The following HMGCS1 variants were observed in gnomAD, a reference collection of about 807,000 sequenced individuals.
HMGCS1 encodes the protein hydroxymethylglutaryl-CoA synthase, cytoplasmic.
In HMGCS1, 9 loss-of-function variants were observed where a neutral mutation model predicts 52.3. The ratio of observed to expected loss-of-function variants is 0.17; its 90% CI spans 0.10 to 0.30. The LOEUF is 0.30. Among genes scored for constraint, HMGCS1 ranks in the 10% least tolerant of loss-of-function variants. The probability of loss-of-function intolerance (pLI) is 1.00; values close to 1 mark genes in which losing one functional copy is unlikely to be tolerated. For missense variants in HMGCS1, 320 were observed against 620.9 expected (o/e 0.52, Z 5.15); for synonymous variants, 176 against 214.4 (o/e 0.82, Z 1.57).
At chr5:43,312,673 A>C (rs1268570397) in intron 1 of HMGCS1, among the ~76,000 whole-genome samples, 1 of 152,152 alleles carries the variant, frequency 6.6e-6, no homozygotes, top group African/African-American at 2.4e-5. Flanking sequence ...ACACCAAGGA[A>C]GCCTATTTTT....
At chr5:43,303,642 A>G (rs1226177952) in intron 2 of HMGCS1, among the ~76,000 whole-genome samples, 1 of 152,266 alleles carries the variant, frequency 6.6e-6, no homozygotes, top group African/African-American at 2.4e-5. Flanking sequence ...TTTACCAGAC[A>G]TAGCATATAT....
Position 43,291,091 on chromosome 5 carries a change from T to TCCCC in HMGCS1, c.*39_*40insGGGG. 1.8e-6 allele frequency: 1 copy of TCCCC among 541,856 alleles called. No individual in the cohort carries two copies. Among genetic ancestry groups the TCCCC allele is most frequent in the Admixed American group, 2.0e-5 (1 of 48,902 alleles). The allele number at this position is 541,856 out of a possible 1,614,324, so 33.6% of individuals were successfully genotyped here. A position where few individuals can be genotyped will look rare whatever the true frequency, so the allele number is the denominator to read the frequency against. On this transcript the variant is annotated 3_prime_UTR_variant, in exon 11 of 11. Coordinates refer to ENST00000325110, the MANE Select transcript of HMGCS1 (RefSeq NM_001098272.3). The stretch of plus-strand genomic sequence containing the variant: ...CAACTGTTCCCATACCCCCACCCCA[T>TCCCC]GCCCACCCCACCCTGAAGTCTTGCA...
At chr5:43,299,958 C>A (rs148185403) in intron 2 of HMGCS1, among the ~76,000 whole-genome samples, 144 of 152,170 alleles carry the variant, frequency 9.5e-4, no homozygotes, top group African/African-American at 3.3e-3. Context: ...AAGAACAAAG[C>A]GGAAAAGGTG....
Position 43,292,588 on chromosome 5 carries a change from C to A in HMGCS1, c.1359G>T (p.Trp453Cys). 4 of 1,613,728 alleles carry A rather than the reference C, an allele frequency of 2.5e-6. No individual in the cohort carries two copies. The highest frequency in any genetic ancestry group is 2.5e-6 in the Non-Finnish European group (3 of 1,179,718). ...GCTTTTCATCCACCCTAACTAAGTA[C>A]CACGTTCCTTCAAAGAGTGAATCTA... The part of the protein sequence containing the change: ...GSIDSLFEGT[W>C]YLVRVDEKHR... The change falls in exon 10 of 11, where the codon TGG (tryptophan) becomes TGT (cysteine). Residue 453 changes from tryptophan to cysteine, a missense_variant. Trp to Cys is a radical substitution (Grantham distance 215). This residue lies in a region of HMGCS1 where 213 missense variants were observed against 337.4 expected (regional missense o/e 0.63). Transcript: ENST00000325110.
rs560597873 is a variant in HMGCS1, at chr5:43,295,183, T to C, written c.906-322A>G. The stretch of plus-strand genomic sequence containing the variant: ...ATCAACTGAATATTCATCAACTGAA[T>C]AGAATACTATTTCAAGTCCATAATA... On this transcript the variant is annotated intron_variant, in intron 6 of 10. Transcript: ENST00000325110. 6.8e-4 allele frequency among the ~76,000 whole-genome samples: 104 copies of C among 152,332 alleles called. 1 individual carries two copies. Among genetic ancestry groups the C allele is most frequent in the Non-Finnish European group, 1.3e-3 (88 of 68,022 alleles).
At chr5:43,296,399 C>T (rs866999946) in intron 5 of HMGCS1, among the ~76,000 whole-genome samples, 7 of 152,084 alleles carry the variant, frequency 4.6e-5, no homozygotes, top group East Asian at 1.9e-4. Context: ...TTATCCAGAG[C>T]GACTAAATTC....
At chr5:43,292,382 T>TTACTATGAAC (rs2111630146) in intron 10 of HMGCS1, 92 bp downstream of exon 10, 1 of 914,812 alleles carries the variant, frequency 1.1e-6, no homozygotes, top group Non-Finnish European at 1.6e-6. Flanking sequence ...CCCAGAGCCC[T>TTACTATGAAC]TACTCTTCTT....
Position 43,291,047 on chromosome 5 carries a change from C to A in HMGCS1, c.*84G>T. The A allele has an allele frequency of 2.5e-6, 2 of 791,254 alleles. No homozygotes were observed. The highest frequency in any genetic ancestry group is 4.5e-6 in the Non-Finnish European group (2 of 448,758). The allele number at this position is 791,254 out of a possible 1,614,324, so 49.0% of individuals were successfully genotyped here. ...TAACATGTAATCCTTTAAAATTATC[C>A]CCAGATATCCCATTCCTCCAACTGT... is the stretch of plus-strand genomic sequence containing the variant. On this transcript the variant is annotated 3_prime_UTR_variant, in exon 11 of 11. Coordinates refer to ENST00000325110, the MANE Select transcript of HMGCS1 (RefSeq NM_001098272.3).
intron 1 of HMGCS1, among the ~76,000 whole-genome samples, chr5:43,308,116 C>T (rs1203706327): frequency 1.3e-5 from 2 of 152,198 alleles, no homozygotes; most frequent in East Asian, 1.9e-4. Context: ...AAATAAGAAG[C>T]CCATGTCACC....
intron 4 of HMGCS1, 148 bp from the exon 5 acceptor site, chr5:43,297,314 T>A (rs569193767): frequency 3.1e-6 from 2 of 641,676 alleles, no homozygotes; most frequent in South Asian, 4.0e-5. Context: ...CTGAAGCCAA[T>A]ATAAGTGAAA....
At chr5:43,295,700 T>C in intron 6 of HMGCS1, 52 bp downstream of exon 6, 2 of 1,335,492 alleles carry the variant, frequency 1.5e-6, no homozygotes, top group East Asian at 4.6e-5. Context: ...GCTTAACAGA[T>C]ATTAAAAATG....
intron 6 of HMGCS1, 128 bp downstream of exon 6, chr5:43,295,624 C>T: frequency 1.5e-6 from 1 of 650,382 alleles, no homozygotes; most frequent in Non-Finnish European, 2.6e-6. Flanking sequence ...CTGAGACACA[C>T]AGATTAGACT....
At position 43,292,643 on chromosome 5, in the gene HMGCS1, G is replaced by A. The variant is rs376783581; in HGVS notation, c.1310-6C>T. ...ACCCTGGGGAATATAGTTGACTAAA[G>A]GAAAGGGAGAGAATATCTACAATTA... On this transcript the variant is annotated splice_region_variant and splice_polypyrimidine_tract_variant and intron_variant, in intron 9 of 10. Coordinates refer to ENST00000325110, the MANE Select transcript of HMGCS1 (RefSeq NM_001098272.3). The A allele has an allele frequency of 2.5e-6, 4 of 1,606,926 alleles. No individual in the cohort carries two copies. Among genetic ancestry groups the A allele is most frequent in the Middle Eastern group, 1.7e-4 (1 of 6,012 alleles).
chr5:43,308,638 G>A (rs1385844370), intron 1 of HMGCS1, among the ~76,000 whole-genome samples: 1 of 152,104 alleles, frequency 6.6e-6, no homozygotes, highest in Admixed American at 6.6e-5. Context: ...ATATTCTTCA[G>A]TCCATCTGTT....
chr5:43,309,517 G>A (rs1754754694), intron 1 of HMGCS1, among the ~76,000 whole-genome samples: 1 of 152,188 alleles, frequency 6.6e-6, no homozygotes, highest in Non-Finnish European at 1.5e-5. Context: ...TGGGATTATA[G>A]GCGTGGGCCA....
intron 2 of HMGCS1, among the ~76,000 whole-genome samples, chr5:43,301,965 T>C (rs942204096): frequency 3.3e-4 from 51 of 152,358 alleles, no homozygotes; most frequent in Admixed American, 2.6e-3. Context: ...TCTACTCCAC[T>C]TCTTCCACAC....
At chr5:43,305,073 G>A (rs1055337773) in intron 2 of HMGCS1, among the ~76,000 whole-genome samples, 3 of 150,042 alleles carry the variant, frequency 2.0e-5, no homozygotes, top group African/African-American at 4.9e-5. Flanking sequence ...TGCAACCTCC[G>A]CCTCCCAGGT....
intron 1 of HMGCS1, among the ~76,000 whole-genome samples, chr5:43,312,293 C>T (rs1754908550): frequency 6.6e-6 from 1 of 152,208 alleles, no homozygotes; most frequent in African/African-American, 2.4e-5. Flanking sequence ...GCAACCAGAA[C>T]ACATCATCCT....
At position 43,287,936 on chromosome 5, in the gene HMGCS1, A is replaced by T. The variant is rs559221478; in HGVS notation, c.*3195T>A. The T allele has an allele frequency of 1.3e-5, 2 of 152,404 alleles. No individual in the cohort carries two copies. The highest frequency in any genetic ancestry group is 4.1e-4 in the South Asian group (2 of 4,822). The allele number at this position is 152,404 out of a possible 1,614,324, so 9.4% of individuals were successfully genotyped here. A position where few individuals can be genotyped will look rare whatever the true frequency, so the allele number is the denominator to read the frequency against. The stretch of plus-strand genomic sequence containing the variant: ...TCTGAAGTGGGGCCCAACATTTCTG[A>T]TGCGTAGATCAAAGGCTTAAGGCTG... On this transcript the variant is annotated 3_prime_UTR_variant, in exon 11 of 11. Coordinates refer to ENST00000325110, the MANE Select transcript of HMGCS1 (RefSeq NM_001098272.3).
Sources: allele counts gnomAD v4.1 joint callset (sites outside exome capture counted in the v4.1 genomes callset), GRCh38; gene constraint gnomAD v4.1.1; regional missense constraint gnomAD v4.1.1; transcripts MANE v1.5; gene names NCBI Gene and HGNC (gene_info 2026-07-23, HGNC 2026-07-21).